Variants in ZNF892 observed in about 807,000 individuals in gnomAD.
ZNF892 encodes zinc finger protein 570-like.
chr2:95,223,097 A>G, the ZNF892 span, among the ~76,000 whole-genome samples: 5 of 152,280 alleles, frequency 3.3e-5, no homozygotes, highest in East Asian at 5.8e-4. Flanking sequence ...CCATTGATCT[A>G]TGTGTCCATC....
At chr2:95,243,820 C>A in the ZNF892 span, among the ~76,000 whole-genome samples, 1 of 152,164 alleles carries the variant, frequency 6.6e-6, no homozygotes, top group African/African-American at 2.4e-5. Flanking sequence ...CTCTGCCCGG[C>A]CACCACCCCG....
the ZNF892 span, chr2:95,207,689 C>T: frequency 1.5e-5 from 6 of 396,918 alleles, no homozygotes; most frequent in Admixed American, 1.8e-4. Context: ...GGCGGGAGGA[C>T]CCCCGGGTGG....
chr2:95,224,972 C>T, the ZNF892 span, among the ~76,000 whole-genome samples: 1 of 152,218 alleles, frequency 6.6e-6, no homozygotes, highest in African/African-American at 2.4e-5. Flanking sequence ...AGGCCCTCAA[C>T]AGATACTAGC....
chr2:95,256,432 G>A, the ZNF892 span, among the ~76,000 whole-genome samples: 9 of 152,178 alleles, frequency 5.9e-5, no homozygotes, highest in African/African-American at 1.2e-4. Context: ...AGTTTCTGCC[G>A]AGAGATCAGC....
At chr2:95,206,582 G>A in the ZNF892 span, among the ~76,000 whole-genome samples, 1 of 152,154 alleles carries the variant, frequency 6.6e-6, no homozygotes, top group African/African-American at 2.4e-5. Flanking sequence ...GAAGAGCAAC[G>A]GTACCAGGTG....
chr2:95,224,244 A>G, the ZNF892 span, among the ~76,000 whole-genome samples: 1 of 152,238 alleles, frequency 6.6e-6, no homozygotes, highest in Non-Finnish European at 1.5e-5. Flanking sequence ...CTAGGCAACC[A>G]TGAATACACT....
At chr2:95,243,313 C>T in the ZNF892 span, among the ~76,000 whole-genome samples, 9 of 151,656 alleles carry the variant, frequency 5.9e-5, no homozygotes, top group Admixed American at 2.6e-4. Context: ...GGCTGCCCAT[C>T]GTCTGGGATG....
At chr2:95,244,265 C>G in the ZNF892 span, among the ~76,000 whole-genome samples, 3 of 149,684 alleles carry the variant, frequency 2.0e-5, no homozygotes, top group African/African-American at 7.4e-5. Flanking sequence ...TGTTTATCTG[C>G]TGACCTTCCC....
At chr2:95,235,963 A>G in the ZNF892 span, among the ~76,000 whole-genome samples, 13 of 152,096 alleles carry the variant, frequency 8.5e-5, no homozygotes, top group Non-Finnish European at 1.2e-4. Flanking sequence ...TCTTCCTACA[A>G]TCACCTCCAT....
At chr2:95,217,825 C>G in the ZNF892 span, among the ~76,000 whole-genome samples, 2 of 152,198 alleles carry the variant, frequency 1.3e-5, no homozygotes, top group African/African-American at 2.4e-5. Flanking sequence ...CTCTGCAGGA[C>G]AATTCTGCCC....
chr2:95,234,950 C>T, the ZNF892 span, among the ~76,000 whole-genome samples: 5 of 152,098 alleles, frequency 3.3e-5, no homozygotes, highest in Non-Finnish European at 7.4e-5. Context: ...GAGGGGAGGG[C>T]CTTGTGGGAG....
the ZNF892 span, among the ~76,000 whole-genome samples, chr2:95,244,615 A>T: frequency 1.3e-5 from 2 of 152,174 alleles, no homozygotes; most frequent in African/African-American, 4.8e-5. Flanking sequence ...ACCACTGACA[A>T]TATTAGACAG....
At chr2:95,258,403 G>T in the ZNF892 span, among the ~76,000 whole-genome samples, 1 of 152,278 alleles carries the variant, frequency 6.6e-6, no homozygotes, top group South Asian at 2.1e-4. Flanking sequence ...ATGGAGCAAG[G>T]GTTGGGGGCT....
the ZNF892 span, among the ~76,000 whole-genome samples, chr2:95,245,951 G>A: frequency 1.3e-5 from 2 of 152,240 alleles, no homozygotes; most frequent in South Asian, 4.2e-4. Flanking sequence ...AGAAGAGCTG[G>A]TACTATTTCT....
At chr2:95,252,585 C>T in the ZNF892 span, among the ~76,000 whole-genome samples, 1 of 152,144 alleles carries the variant, frequency 6.6e-6, no homozygotes, top group Non-Finnish European at 1.5e-5. Context: ...ATTTATAATG[C>T]TTTGGGTATA....
At chr2:95,254,006 T>A in the ZNF892 span, among the ~76,000 whole-genome samples, 1 of 152,226 alleles carries the variant, frequency 6.6e-6, no homozygotes, top group Admixed American at 6.5e-5. Context: ...TTTCTAGATA[T>A]ACAATCATGT....
chr2:95,222,895 ATCCATT>A, the ZNF892 span, among the ~76,000 whole-genome samples: 1 of 152,186 alleles, frequency 6.6e-6, no homozygotes, highest in Non-Finnish European at 1.5e-5. Flanking sequence ...TTTCACTTAC[ATCCATT>A]TTAGGTAATT....
At chr2:95,233,672 C>CAAAA in the ZNF892 span, among the ~76,000 whole-genome samples, 73 of 35,126 alleles carry the variant, frequency 2.1e-3, 12 homozygotes, top group Middle Eastern at 0.029. Flanking sequence ...GACTCCATCT[C>CAAAA]AAAAAAAAAA....
the ZNF892 span, among the ~76,000 whole-genome samples, chr2:95,214,040 C>T: frequency 6.6e-6 from 1 of 152,308 alleles, no homozygotes; most frequent in South Asian, 2.1e-4. Context: ...CATATCACCT[C>T]TTCTTAGTCT....
Sources: allele counts gnomAD v4.1 joint callset (sites outside exome capture counted in the v4.1 genomes callset), GRCh38; gene constraint gnomAD v4.1.1; transcripts MANE v1.5; gene names NCBI Gene and HGNC (gene_info 2026-07-23, HGNC 2026-07-21).